Variants in SYNDIG1 observed in about 807,000 individuals in gnomAD.
SYNDIG1 encodes the protein synapse differentiation inducing 1.
SYNDIG1 carries 9 observed loss-of-function variants against 19.4 expected under a neutral mutation model. That is an observed-to-expected ratio of 0.46 (90% CI 0.28 to 0.81). The LOEUF is 0.81. Among genes scored for constraint, SYNDIG1 ranks in the 30% least tolerant of loss-of-function variants. The pLI is 0.12. For synonymous variants in SYNDIG1, 141 were observed against 145.9 expected (o/e 0.97, Z 0.24); for missense variants, 311 against 343.3 (o/e 0.91, Z 0.74).
chr20:24,549,110 A>G (rs2057650597), intron 2 of SYNDIG1, among the ~76,000 whole-genome samples: 1 of 152,022 alleles, frequency 6.6e-6, no homozygotes, highest in South Asian at 2.1e-4. Flanking sequence ...AAACTGCATA[A>G]TATATTATTT....
chr20:24,564,245 A>G (rs6083558), intron 2 of SYNDIG1, among the ~76,000 whole-genome samples: 95,709 of 152,034 alleles, frequency 0.63, 30,800 homozygotes, highest in African/African-American at 0.76. Flanking sequence ...GATTTAAAAG[A>G]GTAAAGAGAA....
chr20:24,628,112 G>A (rs1025317881), intron 3 of SYNDIG1, among the ~76,000 whole-genome samples: 3 of 152,160 alleles, frequency 2.0e-5, no homozygotes, highest in Non-Finnish European at 2.9e-5. Context: ...AGTACGGCTC[G>A]CTCTCCGGGG....
At chr20:24,485,090 TGCA>T (rs145239814) in intron 1 of SYNDIG1, among the ~76,000 whole-genome samples, 15,739 of 152,188 alleles carry the variant, frequency 0.1, 2,067 homozygotes, top group African/African-American at 0.3. Flanking sequence ...CATGTTATGA[TGCA>T]GCACAAAAGC....
chr20:24,512,801 G>A (rs2056777821), intron 1 of SYNDIG1, among the ~76,000 whole-genome samples: 1 of 152,230 alleles, frequency 6.6e-6, no homozygotes, highest in Non-Finnish European at 1.5e-5. Context: ...CACGGAGTTT[G>A]AGATCTGAGA....
chr20:24,584,875 C>T lies in SYNDIG1; in HGVS notation c.500C>T (p.Thr167Ile). 1 of 1,614,166 alleles carries T rather than the reference C, an allele frequency of 6.2e-7. No homozygotes were observed. The highest frequency in any genetic ancestry group is 8.5e-7 in the Non-Finnish European group (1 of 1,180,044). The change falls in exon 3 of 4, where the codon ACA (threonine) becomes ATA (isoleucine). Residue 167 changes from threonine to isoleucine, a missense_variant. By Grantham distance (89) the Thr-to-Ile change is moderately conservative. Coordinates refer to ENST00000376862, the MANE Select transcript of SYNDIG1 (RefSeq NM_024893.3). The part of the protein sequence containing the change: ...QELESDYSSD[T>I]ESEDNFLMMP... ...TTGCAGAGCGACTACTCAAGCGACACAGAGAGTGAGGACAATTTCCTCATG... is the reference window on the plus strand; with the variant it reads ...TTGCAGAGCGACTACTCAAGCGACATAGAGAGTGAGGACAATTTCCTCATG...
intron 1 of SYNDIG1, among the ~76,000 whole-genome samples, chr20:24,507,736 GCTC>G (rs1167776055): frequency 6.6e-6 from 1 of 152,198 alleles, no homozygotes; most frequent in Non-Finnish European, 1.5e-5. Flanking sequence ...CTAGGCCGAG[GCTC>G]CTCCTCCATT....
chr20:24,627,238 C>G (rs996808328), intron 3 of SYNDIG1, among the ~76,000 whole-genome samples: 3 of 152,112 alleles, frequency 2.0e-5, no homozygotes, highest in Non-Finnish European at 2.9e-5. Context: ...AACTCTGTAC[C>G]TGTAAATCCA....
intron 2 of SYNDIG1, among the ~76,000 whole-genome samples, chr20:24,559,310 A>C (rs893918675): frequency 1.3e-5 from 2 of 152,182 alleles, no homozygotes. Flanking sequence ...GAGTGGGAGC[A>C]GGGAGGATGA....
intron 1 of SYNDIG1, among the ~76,000 whole-genome samples, chr20:24,475,378 T>G (rs1195326166): frequency 6.6e-6 from 1 of 152,258 alleles, no homozygotes; most frequent in Non-Finnish European, 1.5e-5. Flanking sequence ...AAAGCCTATG[T>G]GTTTCTGTAG....
intron 2 of SYNDIG1, among the ~76,000 whole-genome samples, chr20:24,547,018 GC>G (rs1373640249): frequency 3.3e-5 from 5 of 152,144 alleles, no homozygotes; most frequent in Admixed American, 3.3e-4. Flanking sequence ...TCAGAATGGG[GC>G]CCCCTCATTG....
intron 3 of SYNDIG1, among the ~76,000 whole-genome samples, chr20:24,616,382 G>A (rs1355488310): frequency 6.6e-6 from 1 of 152,166 alleles, no homozygotes; most frequent in Non-Finnish European, 1.5e-5. Flanking sequence ...GCCTTTCCAG[G>A]GGCTCGCGCC....
intron 3 of SYNDIG1, among the ~76,000 whole-genome samples, chr20:24,615,601 C>T (rs6036851): frequency 0.22 from 33,652 of 152,094 alleles, 4,357 homozygotes; most frequent in Admixed American, 0.37. Context: ...AGAACTCACC[C>T]GGGTTCCTCC....
intron 3 of SYNDIG1, among the ~76,000 whole-genome samples, chr20:24,628,799 G>A (rs551311092): frequency 3.3e-5 from 5 of 152,202 alleles, no homozygotes; most frequent in East Asian, 1.9e-4. Flanking sequence ...ACCATTATCC[G>A]GAGTTGCATC....
At chr20:24,627,041 G>A (rs539709101) in intron 3 of SYNDIG1, among the ~76,000 whole-genome samples, 72 of 151,600 alleles carry the variant, frequency 4.7e-4, no homozygotes, top group South Asian at 3.8e-3. Context: ...GTCCAGCTTC[G>A]GCTCGGCATG....
At chr20:24,589,994 C>T (rs2058480528) in intron 3 of SYNDIG1, among the ~76,000 whole-genome samples, 1 of 152,228 alleles carries the variant, frequency 6.6e-6, no homozygotes, top group African/African-American at 2.4e-5. Context: ...CCAAATCCCG[C>T]TTGTCAGAGC....
At chr20:24,580,112 T>C (rs1333717096) in intron 2 of SYNDIG1, among the ~76,000 whole-genome samples, 1 of 152,218 alleles carries the variant, frequency 6.6e-6, no homozygotes, top group Non-Finnish European at 1.5e-5. Context: ...TGCAGACTCC[T>C]TCGCAATGTT....
chr20:24,555,930 G>A (rs2057805440), intron 2 of SYNDIG1, among the ~76,000 whole-genome samples: 2 of 152,044 alleles, frequency 1.3e-5, no homozygotes, highest in African/African-American at 2.4e-5. Context: ...TTATTATTGT[G>A]TGGGAGTCTA....
rs186753143 is a variant in SYNDIG1, at chr20:24,633,573, G to A, written c.619-31773G>A. Among the ~76,000 whole-genome samples, 8 of 152,316 alleles carry A rather than the reference G, an allele frequency of 5.3e-5. No homozygotes were observed. The East Asian group carries it at 1.5e-3, about 29-fold the overall frequency. ...CTAGTTGATCACCCTGGAAGAAATG[G>A]CAGCATTCAATTCCTCCATCCTTTT... On this transcript the variant is annotated intron_variant, in intron 3 of 3. Transcript: ENST00000376862.
chr20:24,502,221 A>G (rs762135056), intron 1 of SYNDIG1: 7 of 152,378 alleles, frequency 4.6e-5, no homozygotes, highest in Non-Finnish European at 8.8e-5. Context: ...GTGCACTCAG[A>G]TCCTCGTCGC....
Sources: gnomAD v4.1 joint callset for allele counts (sites outside exome capture counted in the v4.1 genomes callset) on GRCh38, gnomAD v4.1.1 for gene constraint, MANE v1.5 for transcripts, NCBI Gene and HGNC (gene_info 2026-07-23, HGNC 2026-07-21) for gene names.